ADCY9: variants seen among roughly 807,000 people sequenced by gnomAD.
ADCY9 encodes adenylate cyclase 9.
ADCY9 carries 50 observed loss-of-function variants against 101.5 expected under a neutral mutation model. The ratio of observed to expected loss-of-function variants is 0.49; its 90% CI spans 0.39 to 0.62. The LOEUF (loss-of-function observed/expected upper bound fraction) is 0.62, where lower values mean the gene tolerates loss of function less well. Among genes scored for constraint, ADCY9 ranks in the 20% least tolerant of loss-of-function variants. The probability of loss-of-function intolerance (pLI) is 0.00; values close to 1 mark genes in which losing one functional copy is unlikely to be tolerated. For synonymous variants in ADCY9, 905 were observed against 769.3 expected, an observed-to-expected ratio of 1.18 and a Z score of -2.92; for missense variants, 1,662 against 1,800.4, an observed-to-expected ratio of 0.92 and a Z score of 1.39.
Position 3,977,619 on chromosome 16 carries a change from G to A in ADCY9, c.2691C>T (p.Phe897=). The A allele has an allele frequency of 6.2e-7, 1 of 1,612,990 alleles. No homozygotes were observed. The highest frequency in any genetic ancestry group is 8.5e-7 in the Non-Finnish European group (1 of 1,179,814). The part of the protein sequence containing the change: ...EYETNIHFPV[F]TGSAALIAVV... Reference sequence around the variant, plus strand: ...CGGCAATCAGCGCGGCCGAGCCTGTGAACACTGGGAACTGCAAGAGGCGAA... The same window carrying A: ...CGGCAATCAGCGCGGCCGAGCCTGTAAACACTGGGAACTGCAAGAGGCGAA... Residue 897 remains phenylalanine, a synonymous_variant, in exon 9 of 11, where the codon TTC becomes TTT. Coordinates refer to ENST00000294016, the MANE Select transcript of ADCY9 (RefSeq NM_001116.4).
At chr16:4,038,120 A>C (rs2056601901) in intron 2 of ADCY9, among the ~76,000 whole-genome samples, 1 of 152,088 alleles carries the variant, frequency 6.6e-6, no homozygotes, top group South Asian at 2.1e-4. Context: ...ACAAAAACAA[A>C]ATTGTTTTTA....
At position 3,963,640 on chromosome 16, in the gene ADCY9, T is replaced by A. The variant is rs374490272; in HGVS notation, c.*2135A>T. On this transcript the variant is annotated 3_prime_UTR_variant, in exon 11 of 11. Transcript: ENST00000294016. ...GGAAATGGGCTTGATGGGGAAGAAG[T>A]GTGTGCGGAGAACTTTGCGGAGCAT... The A allele has an allele frequency of 3.1e-6, 1 of 320,458 alleles. No individual in the cohort carries two copies. Among genetic ancestry groups the A allele is most frequent in the Non-Finnish European group, 5.7e-6 (1 of 176,812 alleles). 19.9% of individuals were successfully genotyped at this position (320,458 alleles called of 1,614,324 possible).
At chr16:4,004,980 T>A (rs1011676539) in intron 3 of ADCY9, among the ~76,000 whole-genome samples, 1 of 152,090 alleles carries the variant, frequency 6.6e-6, no homozygotes, top group Non-Finnish European at 1.5e-5. Flanking sequence ...GTCCTTGGCA[T>A]GAAACTCCTT....
intron 7 of ADCY9, 25 bp from the exon 8 acceptor site, chr16:3,979,300 G>A: frequency 1.2e-6 from 2 of 1,611,256 alleles, no homozygotes; most frequent in East Asian, 4.5e-5. Flanking sequence ...GGGGTTAGCA[G>A]GAGCGACGGG....
chr16:4,022,490 C>CAAAA (rs58498676), intron 2 of ADCY9, among the ~76,000 whole-genome samples: 281 of 64,314 alleles, frequency 4.4e-3, no homozygotes, highest in Non-Finnish European at 4.8e-3. Context: ...GACTCCGTCT[C>CAAAA]AAAAAAAAAA....
intron 2 of ADCY9, among the ~76,000 whole-genome samples, chr16:4,092,225 G>A (rs376893451): frequency 2.6e-5 from 4 of 152,290 alleles, no homozygotes; most frequent in South Asian, 2.1e-4. Flanking sequence ...AGCTGAGATC[G>A]TGCCACTGCA....
chr16:3,958,977 G>A (rs956824361), downstream of ADCY9, among the ~76,000 whole-genome samples: 1 of 151,494 alleles, frequency 6.6e-6, no homozygotes, highest in African/African-American at 2.4e-5. Context: ...GCCCTGCCTC[G>A]GTTGCTTTTT....
chr16:3,984,485 G>A (rs964927239), intron 6 of ADCY9, among the ~76,000 whole-genome samples: 14 of 152,264 alleles, frequency 9.2e-5, no homozygotes, highest in East Asian at 1.9e-4. Flanking sequence ...GGGGAGGTGC[G>A]ATCTCCATTG....
intron 2 of ADCY9, among the ~76,000 whole-genome samples, chr16:4,036,802 G>A (rs1205016621): frequency 1.3e-5 from 2 of 151,770 alleles, no homozygotes; most frequent in African/African-American, 4.8e-5. Flanking sequence ...TATAATATTA[G>A]AATAATATTA....
At chr16:3,977,204 G>A (rs1372045339) in intron 9 of ADCY9, among the ~76,000 whole-genome samples, 2 of 152,266 alleles carry the variant, frequency 1.3e-5, no homozygotes, top group Admixed American at 6.5e-5. Flanking sequence ...AAGTCACCTC[G>A]GTATAATGCA....
chr16:4,059,151 C>T (rs1441685274), intron 2 of ADCY9, among the ~76,000 whole-genome samples: 1 of 151,756 alleles, frequency 6.6e-6, no homozygotes, highest in Non-Finnish European at 1.5e-5. Context: ...TCTGGGAGGC[C>T]GAGGTGGGCA....
intron 2 of ADCY9, among the ~76,000 whole-genome samples, chr16:4,093,618 G>A (rs867171507): frequency 6.6e-6 from 1 of 151,988 alleles, no homozygotes; most frequent in Non-Finnish European, 1.5e-5. Context: ...TTAGTCAGTC[G>A]TGTTGGCATG....
At chr16:3,956,862 G>A (rs1288614420) in intron 5 of ADCY9, among the ~76,000 whole-genome samples, 2 of 151,984 alleles carry the variant, frequency 1.3e-5, no homozygotes, top group Non-Finnish European at 2.9e-5. Flanking sequence ...TGACCATTTG[G>A]ATAATTTGGT....
At chr16:3,997,765 C>G (rs1597154492) in intron 3 of ADCY9, among the ~76,000 whole-genome samples, 1 of 152,186 alleles carries the variant, frequency 6.6e-6, no homozygotes, top group South Asian at 2.1e-4. Flanking sequence ...CTGTGTCACC[C>G]GGACCCAGCA....
chr16:4,022,087 C>T (rs757214911), intron 2 of ADCY9, among the ~76,000 whole-genome samples: 85 of 152,218 alleles, frequency 5.6e-4, no homozygotes, highest in Non-Finnish European at 1.0e-3. Context: ...TTGTGCCCAG[C>T]CTAAGGGCAG....
At chr16:4,095,359 G>A (rs1410411093) in intron 2 of ADCY9, among the ~76,000 whole-genome samples, 2 of 151,788 alleles carry the variant, frequency 1.3e-5, no homozygotes, top group Admixed American at 6.6e-5. Context: ...TAATGTGGGG[G>A]ACAACTAGAG....
chr16:4,015,504 C>T (rs1264069212), intron 2 of ADCY9: 2 of 152,302 alleles, frequency 1.3e-5, no homozygotes, highest in African/African-American at 4.8e-5. Context: ...CGCTGTCATT[C>T]ATTTGCTCAT....
chr16:4,078,144 C>T (rs546472575), intron 2 of ADCY9, among the ~76,000 whole-genome samples: 5 of 152,184 alleles, frequency 3.3e-5, no homozygotes, highest in Admixed American at 6.5e-5. Context: ...TGCATTTAAC[C>T]GAAACAAATA....
chr16:4,097,286 C>G (rs1030023464), intron 2 of ADCY9, among the ~76,000 whole-genome samples: 1 of 151,556 alleles, frequency 6.6e-6, no homozygotes, highest in African/African-American at 2.4e-5. Context: ...GCCCTCTCGG[C>G]CACCACCTTT....
Sources: gnomAD v4.1 joint callset for allele counts (sites outside exome capture counted in the v4.1 genomes callset) on GRCh38, gnomAD v4.1.1 for gene constraint, MANE v1.5 for transcripts, NCBI Gene and HGNC (gene_info 2026-07-23, HGNC 2026-07-21) for gene names.